Variants in EOMES observed in about 807,000 individuals in gnomAD.
EOMES encodes eomesodermin homolog.
A neutral mutation model predicts 61.0 loss-of-function variants in EOMES; 18 were observed. That is an observed-to-expected ratio of 0.30 (90% CI 0.20 to 0.44). The LOEUF (loss-of-function observed/expected upper bound fraction) is 0.44, where lower values mean the gene tolerates loss of function less well. Ranked by LOEUF, EOMES falls within the 20% of genes least tolerant of loss-of-function variation. The probability of loss-of-function intolerance (pLI) is 1.00; values close to 1 mark genes in which losing one functional copy is unlikely to be tolerated. For missense variants in EOMES, 885 were observed against 939.2 expected (o/e 0.94, Z 0.75); for synonymous variants, 430 against 394.0 (o/e 1.09, Z -1.08).
At position 27,721,342 on chromosome 3, in the gene EOMES, T is replaced by C; in HGVS notation, c.881+72A>G. On this transcript the variant is annotated intron_variant, in intron 1 of 5. Transcript: ENST00000449599. This position sits in a 1 kb window ranked among gnomAD's most constrained non-coding sequence, Gnocchi z 7.4. ...GGAACAACTGGGTTCAGCTCCCTCA[T>C]CCCGGACCTTCCCCAGGACCACACG... 1 of 1,339,908 alleles carries C rather than the reference T, an allele frequency of 7.5e-7. No homozygotes were observed. Among genetic ancestry groups the C allele is most frequent in the East Asian group, 2.5e-5 (1 of 40,354 alleles). 83.0% of individuals were successfully genotyped at this position (1,339,908 alleles called of 1,614,324 possible).
chr3:27,719,783 G>C (rs1323255024), intron 2 of EOMES, among the ~76,000 whole-genome samples: 1 of 152,142 alleles, frequency 6.6e-6, no homozygotes, highest in Non-Finnish European at 1.5e-5. Flanking sequence ...TTCTAAAGCT[G>C]TAAGGGCAAC....
rs34777083 is a variant in EOMES at position 27,717,831 on chromosome 3, T to TA, written c.1380-24dup. On this transcript the variant is annotated intron_variant, in intron 5 of 5. Coordinates refer to ENST00000449599, the MANE Select transcript of EOMES (RefSeq NM_001278182.2). This position sits in a 1 kb window ranked among gnomAD's most constrained non-coding sequence, Gnocchi z 4.5. Reference sequence around the variant, plus strand: ...ATGCTACAATATAAAGAGAAACACTTAAAAAAAAAAAAAAACCCTAATGTT... The same window carrying TA: ...ATGCTACAATATAAAGAGAAACACTTAAAAAAAAAAAAAAAACCCTAATGTT... 201,577 of 1,086,628 alleles carry TA rather than the reference T, an allele frequency of 0.19. 1,354 individuals are homozygous for TA. Among genetic ancestry groups the TA allele is most frequent in the African/African-American group, 0.25 (14,431 of 58,792 alleles). The allele number at this position is 1,086,628 out of a possible 1,614,324, so 67.3% of individuals were successfully genotyped here. A position where few individuals can be genotyped will look rare whatever the true frequency, so the allele number is the denominator to read the frequency against.
upstream of EOMES, chr3:27,722,457 G>C (rs987017958): frequency 1.5e-6 from 2 of 1,364,232 alleles, no homozygotes; most frequent in African/African-American, 1.5e-5. Context: ...GCTACTGCGC[G>C]TACTGGCGCG....
chr3:27,721,290 C>T lies in EOMES; in HGVS notation c.881+124G>A. The T allele has an allele frequency of 2.8e-6, 2 of 711,980 alleles. 1 individual carries two copies. Among genetic ancestry groups the T allele is most frequent in the Admixed American group, 5.4e-5 (2 of 36,872 alleles). The allele number at this position is 711,980 out of a possible 1,614,324, so 44.1% of individuals were successfully genotyped here. ...GCGGTGTCTACGGAGATTTATTGCG[C>T]GCGGTGAAACACTCTAAGCACCGCG... On this transcript the variant is annotated intron_variant, in intron 1 of 5. Coordinates refer to ENST00000449599, the MANE Select transcript of EOMES (RefSeq NM_001278182.2). This position sits in a 1 kb window ranked among gnomAD's most constrained non-coding sequence, Gnocchi z 7.4.
chr3:27,719,511 C>T, intron 2 of EOMES, 30 bp from the exon 3 acceptor site: 1 of 1,608,836 alleles, frequency 6.2e-7, no homozygotes, highest in Non-Finnish European at 8.5e-7. Context: ...AACACAAAAC[C>T]CAAGCATATA....
At chr3:27,720,390 C>T in intron 1 of EOMES, 65 bp from the exon 2 acceptor site, 1 of 1,437,626 alleles carries the variant, frequency 7.0e-7, no homozygotes, top group Non-Finnish European at 9.8e-7. Flanking sequence ...AGGCCCAGGC[C>T]CCAGCGGGTT....
Position 27,721,481 on chromosome 3 carries a change from A to C in EOMES, c.814T>G (p.Cys272Gly), listed in dbSNP as rs1412322562. Residue 272 changes from cysteine to glycine, a missense_variant, in exon 1 of 6, where the codon TGC becomes GGC. Transcript: ENST00000449599. This position sits in a 1 kb window ranked among gnomAD's most constrained non-coding sequence, Gnocchi z 7.4. ...AATTTGAGCCACAGAGGCCGGTTGC[A>C]CAGGTAGACGTGGGCACGGAAGCCA... ...GSGFRAHVYLCNRPLWLKFHR... is the reference protein window; with the variant it reads ...GSGFRAHVYLGNRPLWLKFHR... The C allele has an allele frequency of 1.1e-5, 17 of 1,613,584 alleles. No homozygotes were observed. Among genetic ancestry groups the C allele is most frequent in the Non-Finnish European group, 1.4e-5 (17 of 1,179,872 alleles).
At chr3:27,720,052 T>C in intron 2 of EOMES, 119 bp downstream of exon 2, 1 of 943,226 alleles carries the variant, frequency 1.1e-6, no homozygotes, top group Non-Finnish European at 1.6e-6. Context: ...CTAACACCTC[T>C]AGGCCTCAGA....
upstream of EOMES, chr3:27,722,462 GGC>G (rs2060624668): frequency 7.4e-7 from 1 of 1,360,126 alleles, no homozygotes; most frequent in African/African-American, 1.5e-5. Flanking sequence ...TGCGCGTACT[GGC>G]GCGCCCTGAA....
Position 27,718,654 on chromosome 3 carries a change from TA to T in EOMES, c.1318-7del. On this transcript the variant is annotated splice_region_variant and splice_polypyrimidine_tract_variant and intron_variant, in intron 4 of 5. Transcript: ENST00000449599. Reference sequence around the variant, plus strand: ...TCAATCTTTAGTTGAGTAATCTAGATAGGGGAGAAAAACAGTCATTGAGTGA... The same window carrying T: ...TCAATCTTTAGTTGAGTAATCTAGATGGGGAGAAAAACAGTCATTGAGTGA... 1 of 1,613,156 alleles carries T rather than the reference TA, an allele frequency of 6.2e-7. No homozygotes were observed. Among genetic ancestry groups the T allele is most frequent in the Non-Finnish European group, 8.5e-7 (1 of 1,179,128 alleles).
Position 27,717,227 on chromosome 3 carries a change from A to G in EOMES, c.1961T>C (p.Val654Ala). 6.2e-7 allele frequency: 1 copy of G among 1,613,866 alleles called. No homozygotes were observed. ...IKSLDSNDSG[V>A]YTSACKRRRL... ...CCTTCGCTTACAAGCACTGGTGTATACTCCTGAATCATTGGAATCTAGAGA... is the reference window on the plus strand; with the variant it reads ...CCTTCGCTTACAAGCACTGGTGTATGCTCCTGAATCATTGGAATCTAGAGA... Residue 654 changes from valine (V) to alanine (A), a missense_variant, in exon 6 of 6, where the codon GTA becomes GCA. Around this residue, in one of 3 missense-constraint regions of EOMES, gnomAD observed 259 missense variants for 282.3 expected, o/e 0.92. Coordinates refer to ENST00000449599, the MANE Select transcript of EOMES (RefSeq NM_001278182.2). The surrounding 1 kb of genome is among the most constrained non-coding windows in gnomAD (Gnocchi z 4.5).
chr3:27,716,751 G>A lies in EOMES; in HGVS notation c.*319C>T, dbSNP rs2060571668. The A allele has an allele frequency of 1.4e-5, 4 of 277,690 alleles. No homozygotes were observed. The highest frequency in any genetic ancestry group is 1.4e-4 in the Admixed American group (3 of 21,366). 17.2% of individuals were successfully genotyped at this position (277,690 alleles called of 1,614,324 possible). On this transcript the variant is annotated 3_prime_UTR_variant, in exon 6 of 6. Transcript: ENST00000449599. Reference sequence around the variant, plus strand: ...GGTTTTAACTCATCTGATAGCACTGGGCACCCAATGTTCACAGCCTGCTTC... The same window carrying A: ...GGTTTTAACTCATCTGATAGCACTGAGCACCCAATGTTCACAGCCTGCTTC...
chr3:27,718,998 G>T, intron 3 of EOMES, 105 bp from the exon 4 acceptor site: 2 of 819,130 alleles, frequency 2.4e-6, no homozygotes, highest in Non-Finnish European at 3.8e-6. Context: ...ACTTCTAAAT[G>T]CTCCTCACTA....
rs1347773250 is a variant in EOMES at position 27,721,191 on chromosome 3, G to A, written c.881+223C>T. On this transcript the variant is annotated intron_variant, in intron 1 of 5. Coordinates refer to ENST00000449599, the MANE Select transcript of EOMES (RefSeq NM_001278182.2). This position sits in a 1 kb window ranked among gnomAD's most constrained non-coding sequence, Gnocchi z 7.4. ...GGTGAGGATGATGGGAGGGAAAAGC[G>A]GTGTACAGCCGTAACATTGGCACCC... Among the ~76,000 whole-genome samples the A allele has an allele frequency of 6.6e-6, 1 of 152,144 alleles. No individual in the cohort carries two copies. Among genetic ancestry groups the A allele is most frequent in the East Asian group, 1.9e-4 (1 of 5,178 alleles).
At position 27,721,973 on chromosome 3, in the gene EOMES, G is replaced by A; in HGVS notation, c.322C>T (p.Pro108Ser). 1 of 1,450,710 alleles carries A rather than the reference G, an allele frequency of 6.9e-7. No homozygotes were observed. The highest frequency in any genetic ancestry group is 9.0e-7 in the Non-Finnish European group (1 of 1,110,962). The allele number at this position is 1,450,710 out of a possible 1,614,324, so 89.9% of individuals were successfully genotyped here. A position where few individuals can be genotyped will look rare whatever the true frequency, so the allele number is the denominator to read the frequency against. Reference protein sequence around the residue: ...PGPPDGRKGSPCGEEELPSAA... With the variant: ...PGPPDGRKGSSCGEEELPSAA... ...GAGGGCAGCTCCTCCTCCCCGCAGG[G>A]GGAGCCCTTGCGGCCGTCCGGGGGC... Residue 108 changes from proline to serine, a missense_variant, in exon 1 of 6, where the codon CCC becomes TCC. Physicochemically the swap from Pro to Ser is moderately conservative, Grantham distance 74 (BLOSUM62 -1). Around this residue, in one of 3 missense-constraint regions of EOMES, gnomAD observed 449 missense variants for 383.6 expected, o/e 1.17. Transcript: ENST00000449599. The surrounding 1 kb of genome is among the most constrained non-coding windows in gnomAD (Gnocchi z 7.4).
chr3:27,721,197 C>G lies in EOMES; in HGVS notation c.881+217G>C, dbSNP rs918582763. Among the ~76,000 whole-genome samples, 4 of 152,172 alleles carry G rather than the reference C, an allele frequency of 2.6e-5. No individual in the cohort carries two copies. The highest frequency in any genetic ancestry group is 9.6e-5 in the African/African-American group (4 of 41,452). On this transcript the variant is annotated intron_variant, in intron 1 of 5. Coordinates refer to ENST00000449599, the MANE Select transcript of EOMES (RefSeq NM_001278182.2). The surrounding 1 kb of genome is among the most constrained non-coding windows in gnomAD (Gnocchi z 7.4). ...GATGATGGGAGGGAAAAGCGGTGTA[C>G]AGCCGTAACATTGGCACCCTGCAAG... is the stretch of plus-strand genomic sequence containing the variant.
At position 27,722,204 on chromosome 3, in the gene EOMES, C is replaced by G. The variant is rs756645181; in HGVS notation, c.91G>C (p.Gly31Arg). The change falls in exon 1 of 6, where the codon GGG becomes CGG. Residue 31 changes from glycine to arginine, a missense_variant. Physicochemically the swap from Gly to Arg is moderately radical, Grantham distance 125 (BLOSUM62 -2). Around this residue, in one of 3 missense-constraint regions of EOMES, gnomAD observed 449 missense variants for 383.6 expected, o/e 1.17. Coordinates refer to ENST00000449599, the MANE Select transcript of EOMES (RefSeq NM_001278182.2). ...PLESARGGSG[G>R]SAGHLPSAAP... The stretch of plus-strand genomic sequence containing the variant: ...GCGCTGGGGAGGTGGCCAGCGCTCC[C>G]GCCGCTGCCGCCTCGCGCACTCTCC... The G allele has an allele frequency of 1.9e-6, 3 of 1,603,520 alleles. No individual in the cohort carries two copies. Among genetic ancestry groups the G allele is most frequent in the South Asian group, 2.2e-5 (2 of 89,510 alleles).
At position 27,722,073 on chromosome 3, in the gene EOMES, C is replaced by A; in HGVS notation, c.222G>T (p.Gly74=). The change falls in exon 1 of 6, where the codon GGG becomes GGT. Residue 74 remains glycine (G), a synonymous_variant. Coordinates refer to ENST00000449599, the MANE Select transcript of EOMES (RefSeq NM_001278182.2). The part of the protein sequence containing the change: ...VSGEPAAASA[G]APAAMLSDTD... ...TGTCACTAAGCATGGCCGCGGGGGCCCCTGCGCTGGCGGCTGCGGGCTCCC... is the reference window on the plus strand; with the variant it reads ...TGTCACTAAGCATGGCCGCGGGGGCACCTGCGCTGGCGGCTGCGGGCTCCC... 1 of 1,547,156 alleles carries A rather than the reference C, an allele frequency of 6.5e-7. No individual in the cohort carries two copies. Among genetic ancestry groups the A allele is most frequent in the Non-Finnish European group, 8.7e-7 (1 of 1,145,764 alleles).
rs1473312287 is a variant in EOMES, at chr3:27,719,410, C to T, written c.1108G>A (p.Gly370Arg). The change falls in exon 3 of 6, where the codon GGG (glycine) becomes AGG (arginine). Residue 370 changes from glycine (G) to arginine (R), a missense_variant. Physicochemically the swap from Gly to Arg is moderately radical, Grantham distance 125 (BLOSUM62 -2). This residue lies in a region of EOMES where 177 missense variants were observed against 273.3 expected (regional missense o/e 0.65). Coordinates refer to ENST00000449599, the MANE Select transcript of EOMES (RefSeq NM_001278182.2). Reference sequence around the variant, plus strand: ...TTGTTATTGGTGAGTTTTAATTTCCCGAATGAAATCTCCTGTCTCATCCAG... The same window carrying T: ...TTGTTATTGGTGAGTTTTAATTTCCTGAATGAAATCTCCTGTCTCATCCAG... Reference protein sequence around the residue: ...SHWMRQEISFGKLKLTNNKGA... With the variant: ...SHWMRQEISFRKLKLTNNKGA... 8 of 1,613,198 alleles carry T rather than the reference C, an allele frequency of 5.0e-6. No homozygotes were observed. The highest frequency in any genetic ancestry group is 3.3e-5 in the Admixed American group (2 of 59,994).
Sources: gnomAD v4.1 joint callset for allele counts (sites outside exome capture counted in the v4.1 genomes callset) on GRCh38, gnomAD v4.1.1 for gene constraint, gnomAD v4.1.1 regional missense constraint, Gnocchi (gnomAD v3.1) non-coding constraint, MANE v1.5 for transcripts, NCBI Gene and HGNC (gene_info 2026-07-23, HGNC 2026-07-21) for gene names.